SGCZ: variants seen among roughly 807,000 people sequenced by gnomAD.
The protein encoded by SGCZ is zeta-sarcoglycan.
In SGCZ, 40 loss-of-function variants were observed where a neutral mutation model predicts 41.3. The observed-to-expected ratio is 0.97, with a 90% CI of 0.75 to 1.26. SGCZ has a LOEUF of 1.26. Among genes scored for constraint, SGCZ ranks in the 50% most tolerant of loss-of-function variants. The probability of loss-of-function intolerance (pLI) is 0.00; values close to 1 mark genes in which losing one functional copy is unlikely to be tolerated. For missense variants in SGCZ, 552 were observed against 369.8 expected (o/e 1.49, Z -4.04); for synonymous variants, 206 against 137.5 (o/e 1.50, Z -3.49).
At chr8:14,740,223 T>A (rs1408752129) in intron 1 of SGCZ, among the ~76,000 whole-genome samples, 2 of 151,964 alleles carry the variant, frequency 1.3e-5, no homozygotes, top group South Asian at 2.1e-4. Context: ...AAATCAAATA[T>A]CTGAGTATAT....
At chr8:14,625,257 T>G (rs1806416636) in intron 1 of SGCZ, among the ~76,000 whole-genome samples, 1 of 152,198 alleles carries the variant, frequency 6.6e-6, no homozygotes, top group Admixed American at 6.5e-5. Context: ...AATTGCATAT[T>G]TTGAAATCTT....
intron 1 of SGCZ, among the ~76,000 whole-genome samples, chr8:14,800,079 G>C (rs1801271027): frequency 6.7e-6 from 1 of 149,870 alleles, no homozygotes; most frequent in South Asian, 2.1e-4. Flanking sequence ...TACCTATAAA[G>C]AATATTCTTC....
chr8:14,401,273 T>A (rs1799064544), intron 2 of SGCZ, among the ~76,000 whole-genome samples: 1 of 143,142 alleles, frequency 7.0e-6, no homozygotes, highest in South Asian at 2.1e-4. Flanking sequence ...TATAGTTTTA[T>A]TTTTATTTAT....
intron 1 of SGCZ, among the ~76,000 whole-genome samples, chr8:14,730,339 A>C (rs1166214701): frequency 6.6e-6 from 1 of 152,156 alleles, no homozygotes; most frequent in Non-Finnish European, 1.5e-5. Flanking sequence ...CCATACATAC[A>C]TTTGTATGTA....
intron 2 of SGCZ, among the ~76,000 whole-genome samples, chr8:14,516,308 C>A (rs1272395559): frequency 6.6e-6 from 1 of 151,874 alleles, no homozygotes; most frequent in Admixed American, 6.6e-5. Flanking sequence ...CCACCCTCCA[C>A]CCTCAAGGAG....
chr8:14,376,039 C>T (rs767056424), intron 2 of SGCZ, among the ~76,000 whole-genome samples: 5 of 152,136 alleles, frequency 3.3e-5, no homozygotes, highest in South Asian at 4.1e-4. Context: ...GAAAGCCAGG[C>T]GAGGTGGCTC....
Position 14,458,725 on chromosome 8 carries a change from A to C in SGCZ, c.234+96007T>G, listed in dbSNP as rs552412297. Among the ~76,000 whole-genome samples the C allele has an allele frequency of 2.0e-5, 3 of 152,194 alleles. 1 individual carries two copies. The South Asian group carries it at 6.2e-4, about 32-fold the overall frequency. The stretch of plus-strand genomic sequence containing the variant: ...TATATCTACCTACCTACCTACCTAT[A>C]ATCTATCTATTTCCCAGCTCTGTCT... On this transcript the variant is annotated intron_variant, in intron 2 of 7. Transcript: ENST00000382080.
At chr8:14,672,401 GC>G (rs1808133356) in intron 1 of SGCZ, among the ~76,000 whole-genome samples, 2 of 152,050 alleles carry the variant, frequency 1.3e-5, no homozygotes, top group Non-Finnish European at 2.9e-5. Context: ...ACATGATTGG[GC>G]TTTTAAACTA....
At chr8:14,826,307 C>T (rs1294515801) in intron 1 of SGCZ, among the ~76,000 whole-genome samples, 1 of 152,070 alleles carries the variant, frequency 6.6e-6, no homozygotes, top group Non-Finnish European at 1.5e-5. Flanking sequence ...TGTATATGTG[C>T]CACATTTTCT....
At chr8:14,615,010 GTGTA>G (rs879276057) in intron 1 of SGCZ, among the ~76,000 whole-genome samples, 1,645 of 147,392 alleles carry the variant, frequency 0.011, 23 homozygotes, top group African/African-American at 0.038. Flanking sequence ...GTGTGTGTGT[GTGTA>G]TATATATATA....
chr8:14,476,082 G>A (rs1801351324), intron 2 of SGCZ, among the ~76,000 whole-genome samples: 1 of 151,996 alleles, frequency 6.6e-6, no homozygotes, highest in Non-Finnish European at 1.5e-5. Context: ...TGGGATTACT[G>A]GTGTGCTGGC....
intron 1 of SGCZ, among the ~76,000 whole-genome samples, chr8:14,876,471 C>G (rs1446769881): frequency 6.6e-6 from 1 of 152,034 alleles, no homozygotes; most frequent in African/African-American, 2.4e-5. Flanking sequence ...AAACCCAAGA[C>G]AAGTGGAAGG....
chr8:14,701,236 T>C (rs891715653), intron 1 of SGCZ, among the ~76,000 whole-genome samples: 2 of 151,982 alleles, frequency 1.3e-5, no homozygotes, highest in African/African-American at 4.8e-5. Flanking sequence ...TGTTCAACAG[T>C]CAAGTCTTTA....
intron 2 of SGCZ, among the ~76,000 whole-genome samples, chr8:14,373,766 G>T (rs1355967051): frequency 6.6e-6 from 1 of 152,034 alleles, no homozygotes; most frequent in African/African-American, 2.4e-5. Flanking sequence ...GTAAACGGTA[G>T]GTTTACGGAA....
intron 1 of SGCZ, among the ~76,000 whole-genome samples, chr8:14,786,365 G>A (rs962913474): frequency 3.9e-5 from 6 of 152,002 alleles, no homozygotes; most frequent in Non-Finnish European, 5.9e-5. Flanking sequence ...CCTGTATAAT[G>A]AGCCCAACAA....
intron 1 of SGCZ, among the ~76,000 whole-genome samples, chr8:15,219,996 A>G (rs898664151): frequency 2.6e-5 from 4 of 152,224 alleles, no homozygotes; most frequent in Non-Finnish European, 5.9e-5. Context: ...ATTCTTAAAA[A>G]TGGTACACAA....
intron 3 of SGCZ, among the ~76,000 whole-genome samples, chr8:14,262,094 T>C (rs756154050): frequency 3.9e-5 from 6 of 152,170 alleles, no homozygotes; most frequent in African/African-American, 1.4e-4. Flanking sequence ...ACTCCTTGCA[T>C]GATCACATGA....
At chr8:14,177,469 T>C (rs961585800) in intron 4 of SGCZ, among the ~76,000 whole-genome samples, 1 of 151,766 alleles carries the variant, frequency 6.6e-6, no homozygotes, top group African/African-American at 2.4e-5. Context: ...TAGAGTTAAG[T>C]AAAATCTTTT....
At chr8:14,523,808 T>C (rs1187751034) in intron 2 of SGCZ, among the ~76,000 whole-genome samples, 1 of 152,140 alleles carries the variant, frequency 6.6e-6, no homozygotes, top group East Asian at 1.9e-4. Flanking sequence ...CTTTAAAAAC[T>C]AGTGATGATA....
Sources: allele counts gnomAD v4.1 joint callset (sites outside exome capture counted in the v4.1 genomes callset), GRCh38; gene constraint gnomAD v4.1.1; transcripts MANE v1.5; gene names NCBI Gene and HGNC (gene_info 2026-07-23, HGNC 2026-07-21).